Variants in PRKCQ observed in about 807,000 individuals in gnomAD.
PRKCQ encodes protein kinase C theta.
In PRKCQ, 41 loss-of-function variants were observed where a neutral mutation model predicts 91.2. The observed-to-expected ratio is 0.45, with a 90% CI of 0.35 to 0.58. PRKCQ has a LOEUF of 0.58. Ranked by LOEUF, PRKCQ falls within the 20% of genes least tolerant of loss-of-function variation. The pLI, the probability that PRKCQ is intolerant of heterozygous loss-of-function variation, is 0.00. For synonymous variants in PRKCQ, 307 were observed against 316.9 expected (o/e 0.97, Z 0.33); for missense variants, 673 against 896.5 (o/e 0.75, Z 3.18).
intron 10 of PRKCQ, among the ~76,000 whole-genome samples, chr10:6,483,894 G>T (rs1836758701): frequency 2.0e-5 from 3 of 152,184 alleles, no homozygotes; most frequent in African/African-American, 7.2e-5. Context: ...ATCAGTAAAA[G>T]ACCATATATG....
At chr10:6,545,092 TAAG>T (rs918635590) in intron 1 of PRKCQ, among the ~76,000 whole-genome samples, 4 of 152,252 alleles carry the variant, frequency 2.6e-5, no homozygotes, top group Non-Finnish European at 2.9e-5. Context: ...ACTTGCTAAA[TAAG>T]AAGATTATCC....
chr10:6,399,403 T>G, the PRKCQ span, among the ~76,000 whole-genome samples: 1 of 152,250 alleles, frequency 6.6e-6, no homozygotes, highest in South Asian at 2.1e-4. Flanking sequence ...CTGCCTAGCC[T>G]GGAGCTATTG....
chr10:6,533,154 T>A (rs1000504867), intron 1 of PRKCQ, among the ~76,000 whole-genome samples: 2 of 152,152 alleles, frequency 1.3e-5, no homozygotes, highest in African/African-American at 4.8e-5. Context: ...TGAGTCTACA[T>A]TTGCATGTTA....
At chr10:6,442,975 A>AC (rs1564298478) in intron 15 of PRKCQ, among the ~76,000 whole-genome samples, 1 of 152,100 alleles carries the variant, frequency 6.6e-6, no homozygotes, top group African/African-American at 2.4e-5. Flanking sequence ...AAACAAAAAA[A>AC]ACCCCAAAGC....
the PRKCQ span, among the ~76,000 whole-genome samples, chr10:6,413,350 T>A: frequency 6.6e-6 from 1 of 152,162 alleles, no homozygotes; most frequent in Non-Finnish European, 1.5e-5. Flanking sequence ...AAACTTCTCA[T>A]CAATGTCACC....
At chr10:6,412,878 C>T in the PRKCQ span, among the ~76,000 whole-genome samples, 1 of 152,252 alleles carries the variant, frequency 6.6e-6, no homozygotes, top group African/African-American at 2.4e-5. Flanking sequence ...AGGCTGGTTG[C>T]TGCCTTCCAC....
rs1840477407 is a variant in PRKCQ, at chr10:6,557,795, TCTGTC to T, written c.-10+22411_-10+22415del. Among the ~76,000 whole-genome samples, 3 of 152,288 alleles carry T rather than the reference TCTGTC, an allele frequency of 2.0e-5. No homozygotes were observed. The South Asian group carries it at 6.2e-4, about 32-fold the overall frequency. On this transcript the variant is annotated intron_variant, in intron 1 of 17. Transcript: ENST00000263125. ...TTTTCCAGTGTCTGTACCTCTCCTC[TCTGTC>T]CTGTCTTGATCAATGGAATTACCAC...
intron 15 of PRKCQ, 133 bp from the exon 16 acceptor site, chr10:6,442,214 A>G (rs1296177939): frequency 2.7e-5 from 23 of 860,782 alleles, no homozygotes; most frequent in Non-Finnish European, 3.4e-5. Context: ...CCTGAAACCC[A>G]TCTCTTGGGA....
At position 6,456,659 on chromosome 10, in the gene PRKCQ, T is replaced by C. The variant is rs200349943; in HGVS notation, c.1647+15A>G. The C allele has an allele frequency of 9.9e-5, 159 of 1,613,762 alleles. No homozygotes were observed. The highest frequency in any genetic ancestry group is 2.2e-4 in the Admixed American group (13 of 59,996). Reference sequence around the variant, plus strand: ...GGCATGGTGAGGTGGGAGCAGCCTGTCACTGCATTCCTACCTCTGGGGCGA... The same window carrying C: ...GGCATGGTGAGGTGGGAGCAGCCTGCCACTGCATTCCTACCTCTGGGGCGA... On this transcript the variant is annotated intron_variant, in intron 15 of 17. Transcript: ENST00000263125.
chr10:6,404,622 T>A, the PRKCQ span, among the ~76,000 whole-genome samples: 7 of 149,398 alleles, frequency 4.7e-5, no homozygotes, highest in East Asian at 1.4e-3. Flanking sequence ...TTTCTTTCTC[T>A]CTTTCCTTTC....
chr10:6,477,279 A>G (rs1836319909), intron 12 of PRKCQ, among the ~76,000 whole-genome samples: 1 of 152,158 alleles, frequency 6.6e-6, no homozygotes, highest in African/African-American at 2.4e-5. Context: ...CAAGGTCGGG[A>G]GCTGTATTAT....
chr10:6,572,943 T>C (rs1241225146), intron 1 of PRKCQ, among the ~76,000 whole-genome samples: 1 of 152,172 alleles, frequency 6.6e-6, no homozygotes, highest in African/African-American at 2.4e-5. Context: ...TTGCAGGAGA[T>C]GGTAACTGAT....
chr10:6,489,004 A>T (rs1298754221), intron 8 of PRKCQ, among the ~76,000 whole-genome samples: 1 of 152,160 alleles, frequency 6.6e-6, no homozygotes, highest in East Asian at 1.9e-4. Flanking sequence ...GCTGGTCTCA[A>T]ACTCCTGGGC....
In PRKCQ at chr10:6,576,094, T is replaced by A. The variant is rs1841225287; in HGVS notation, c.-10+4117A>T. 6.6e-6 allele frequency among the ~76,000 whole-genome samples: 1 copy of A among 152,000 alleles called. No homozygotes were observed. On this transcript the variant is annotated intron_variant, in intron 1 of 17. Transcript: ENST00000263125. The surrounding 1 kb of genome is among the most constrained non-coding windows in gnomAD (Gnocchi z 4.2). ...GAGAATGTGGAATAATTGGGACCCT[T>A]TCTACCACTGGTGGGAATGTAAAAC...
At chr10:6,568,692 G>A (rs1169679382) in intron 1 of PRKCQ, among the ~76,000 whole-genome samples, 1 of 151,978 alleles carries the variant, frequency 6.6e-6, no homozygotes, top group East Asian at 1.9e-4. Context: ...TAGAGACGGG[G>A]TTTCACTGCA....
At chr10:6,501,298 T>C (rs1445963665) in intron 4 of PRKCQ, among the ~76,000 whole-genome samples, 1 of 150,200 alleles carries the variant, frequency 6.7e-6, no homozygotes, top group Non-Finnish European at 1.5e-5. Flanking sequence ...AAAGAAGAGA[T>C]GATGTTCAAG....
At chr10:6,510,672 G>A (rs1457537166) in intron 3 of PRKCQ, among the ~76,000 whole-genome samples, 1 of 152,162 alleles carries the variant, frequency 6.6e-6, no homozygotes, top group African/African-American at 2.4e-5. Context: ...CAACTGGATT[G>A]ATAGACAAAA....
intron 15 of PRKCQ, among the ~76,000 whole-genome samples, chr10:6,449,325 G>C (rs1420082095): frequency 2.6e-5 from 4 of 152,120 alleles, no homozygotes; most frequent in African/African-American, 7.2e-5. Context: ...CTGGAAGAAA[G>C]AGTATCAGTG....
rs534105578 is a variant in PRKCQ at position 6,478,268 on chromosome 10, G to C, written c.1353+724C>G. On this transcript the variant is annotated intron_variant, in intron 12 of 17. Transcript: ENST00000263125. ...AAGTCCACTGCAGAGAGAATCTATA[G>C]AAGGAGAAACTTCAAAGTATTAATG... Among the ~76,000 whole-genome samples, 23 of 152,262 alleles carry C rather than the reference G, an allele frequency of 1.5e-4. No individual in the cohort carries two copies. The South Asian group carries it at 2.5e-3, about 16-fold the overall frequency.
Sources: allele counts gnomAD v4.1 joint callset (sites outside exome capture counted in the v4.1 genomes callset), GRCh38; gene constraint gnomAD v4.1.1; non-coding constraint Gnocchi (gnomAD v3.1); transcripts MANE v1.5; gene names NCBI Gene and HGNC (gene_info 2026-07-23, HGNC 2026-07-21).